Variants in RIC3 observed in about 807,000 individuals in gnomAD.
RIC3 encodes RIC3 acetylcholine receptor chaperone.
A neutral mutation model predicts 27.3 loss-of-function variants in RIC3; 28 were observed. The ratio of observed to expected loss-of-function variants is 1.02; its 90% CI spans 0.76 to 1.41. The LOEUF is 1.41. Among genes scored for constraint, RIC3 ranks in the 40% most tolerant of loss-of-function variants. RIC3 has a pLI of 0.00. For missense variants in RIC3, 501 were observed against 444.7 expected, an observed-to-expected ratio of 1.13 and a Z score of -1.14; for synonymous variants, 184 against 160.4, an observed-to-expected ratio of 1.15 and a Z score of -1.11.
At chr11:8,104,945 T>TCC (rs1554936420), downstream of RIC3, 1 of 150,474 alleles carries the variant, frequency 6.6e-6, no homozygotes, top group South Asian at 2.1e-4. Flanking sequence ...TTTTTTTTTT[T>TCC]CTCCATTCTG....
Position 8,140,189 on chromosome 11 carries a change from T to C in RIC3, c.129A>G (p.Lys43=). 6.2e-7 allele frequency: 1 copy of C among 1,610,012 alleles called. No homozygotes were observed. The highest frequency in any genetic ancestry group is 8.5e-7 in the Non-Finnish European group (1 of 1,178,518). Residue 43 remains lysine, a synonymous_variant, in exon 2 of 6, where the codon AAA becomes AAG. Coordinates refer to ENST00000309737, the MANE Select transcript of RIC3 (RefSeq NM_001206671.4). ...GCATCATAGGTGGAAATCGGCCCAA[T>C]TTTCCTGAGAAAATAATAATCACTT... is the stretch of plus-strand genomic sequence containing the variant. ...RQEPPPTPEG[K]LGRFPPMMHH...
chr11:8,100,453 A>G, the RIC3 span: 3 of 1,454,170 alleles, frequency 2.1e-6, no homozygotes, highest in East Asian at 2.3e-5. Context: ...CACCTTCTCC[A>G]GTAGGTAAAT....
intron 1 of RIC3, among the ~76,000 whole-genome samples, chr11:8,161,324 T>A (rs1291624232): frequency 2.0e-5 from 3 of 152,178 alleles, no homozygotes; most frequent in African/African-American, 7.2e-5. Flanking sequence ...GGGTCCCAAG[T>A]TTTTATTTTC....
At position 8,126,965 on chromosome 11, in the gene RIC3, G is replaced by C. The variant is rs1947064557; in HGVS notation, c.522-158C>G. ...CCTCCAACTGCATAGCTGGGAACTA[G>C]AGATGTTAGTTCAATGCTTTGATTT... On this transcript the variant is annotated intron_variant, in intron 4 of 5. Coordinates refer to ENST00000309737, the MANE Select transcript of RIC3 (RefSeq NM_001206671.4). 4 of 817,272 alleles carry C rather than the reference G, an allele frequency of 4.9e-6. No individual in the cohort carries two copies. In the East Asian group the frequency reaches 1.1e-4, roughly 22 times the overall value. The allele number at this position is 817,272 out of a possible 1,614,324, so 50.6% of individuals were successfully genotyped here.
intron 1 of RIC3, among the ~76,000 whole-genome samples, chr11:8,144,826 T>C (rs866742872): frequency 0.018 from 2,701 of 152,006 alleles, 80 homozygotes; most frequent in African/African-American, 0.061. Flanking sequence ...GTGGCACATA[T>C]ATACCATGGA....
chr11:8,137,110 C>CG (rs1488502211), intron 4 of RIC3, among the ~76,000 whole-genome samples: 2 of 152,136 alleles, frequency 1.3e-5, no homozygotes, highest in African/African-American at 4.8e-5. Flanking sequence ...CTGCAACCTC[C>CG]GCCTCCCAGG....
At chr11:8,159,317 AGCCAGTGTG>A (rs1950970377) in intron 1 of RIC3, among the ~76,000 whole-genome samples, 1 of 152,220 alleles carries the variant, frequency 6.6e-6, no homozygotes, top group South Asian at 2.1e-4. Context: ...GTGAGGAGGA[AGCCAGTGTG>A]GCCACAACAA....
chr11:8,122,864 C>CAAAAAAAAAAAAA (rs55826618), intron 5 of RIC3, among the ~76,000 whole-genome samples: 1 of 63,514 alleles, frequency 1.6e-5, no homozygotes, highest in Non-Finnish European at 3.1e-5. Context: ...ACCAGGTATG[C>CAAAAAAAAAAAAA]AAAAAAAAAA....
chr11:8,130,577 C>T (rs1482742979), intron 4 of RIC3, among the ~76,000 whole-genome samples: 1 of 152,192 alleles, frequency 6.6e-6, no homozygotes, highest in Non-Finnish European at 1.5e-5. Flanking sequence ...TTTTTTTCTT[C>T]CATTAGGTCC....
chr11:8,101,156 G>A (rs956418712), downstream of RIC3, among the ~76,000 whole-genome samples: 1 of 152,140 alleles, frequency 6.6e-6, no homozygotes, highest in African/African-American at 2.4e-5. Flanking sequence ...CTAATGACTG[G>A]GAGGTCCTGG....
Position 8,137,376 on chromosome 11 carries a change from A to G in RIC3, c.521+2T>C. The G allele has an allele frequency of 6.2e-7, 1 of 1,611,884 alleles. No individual in the cohort carries two copies. The highest frequency in any genetic ancestry group is 1.7e-5 in the Admixed American group (1 of 59,960). On this transcript the variant is annotated splice_donor_variant, in intron 4 of 5. Transcript: ENST00000309737. LOFTEE classifies it high-confidence loss of function. ...TCTGAGTCCCGTTACATGAAAACCT[A>G]CCTCTCACCATTAGGTCCCACTCTG...
At chr11:8,106,049 A>G (rs980712968), downstream of RIC3, 4 of 152,208 alleles carry the variant, frequency 2.6e-5, no homozygotes, top group Non-Finnish European at 5.9e-5. Context: ...CTGGCGTTTT[A>G]GACAAATTTG....
At chr11:8,144,108 C>G (rs1012944522) in intron 1 of RIC3, among the ~76,000 whole-genome samples, 1 of 152,178 alleles carries the variant, frequency 6.6e-6, no homozygotes, top group Non-Finnish European at 1.5e-5. Flanking sequence ...CCATTCAGGA[C>G]ACAGGCATGG....
intron 1 of RIC3, among the ~76,000 whole-genome samples, chr11:8,148,657 A>G (rs996712182): frequency 6.7e-6 from 1 of 148,598 alleles, no homozygotes; most frequent in Non-Finnish European, 1.5e-5. Context: ...TCAGCCAGGA[A>G]AATTTTAGGA....
chr11:8,098,737 C>G, the RIC3 span: 51 of 1,573,524 alleles, frequency 3.2e-5, no homozygotes, highest in Admixed American at 8.0e-4. Context: ...TGACTCTATA[C>G]TGATTGTGCC....
At chr11:8,101,087 G>A, downstream of RIC3, 1 of 1,468,592 alleles carries the variant, frequency 6.8e-7, no homozygotes, top group South Asian at 1.2e-5. Flanking sequence ...GCCTACACTG[G>A]CTAGAGTTTA....
chr11:8,116,009 A>AT (rs1228025012), intron 5 of RIC3, among the ~76,000 whole-genome samples: 3 of 152,262 alleles, frequency 2.0e-5, no homozygotes, highest in Non-Finnish European at 4.4e-5. Context: ...CTACAAAGCT[A>AT]TAGTAATCAA....
intron 1 of RIC3, among the ~76,000 whole-genome samples, chr11:8,146,166 A>G (rs1949656049): frequency 6.6e-6 from 1 of 152,264 alleles, no homozygotes. Context: ...AACTGGAAGA[A>G]TGGAAAATCA....
At position 8,138,290 on chromosome 11, in the gene RIC3, T is replaced by C. The variant is rs1948636972; in HGVS notation, c.409A>G (p.Asn137Asp). Residue 137 changes from asparagine (N) to aspartate (D), a missense_variant, in exon 3 of 6, where the codon AAC (asparagine) becomes GAC (aspartate). Transcript: ENST00000309737. ...DGKCYTAMPGNTHRKITSFEL... is the reference protein window; with the variant it reads ...DGKCYTAMPGDTHRKITSFEL... The stretch of plus-strand genomic sequence containing the variant: ...CACTTACTAATTTTCCTGTGGGTGT[T>C]TCCAGGCATGGCAGTATAGCATTTC... 6.2e-7 allele frequency: 1 copy of C among 1,613,264 alleles called. No homozygotes were observed. Among genetic ancestry groups the C allele is most frequent in the Non-Finnish European group, 8.5e-7 (1 of 1,179,396 alleles).
Sources: allele counts gnomAD v4.1 joint callset (sites outside exome capture counted in the v4.1 genomes callset), GRCh38; gene constraint gnomAD v4.1.1; transcripts MANE v1.5; gene names NCBI Gene and HGNC (gene_info 2026-07-23, HGNC 2026-07-21).